MAS1: variants seen among roughly 807,000 people sequenced by gnomAD.
The protein encoded by MAS1 is MAS1 proto-oncogene, G protein-coupled receptor.
For missense variants in MAS1, 387 were observed against 409.7 expected (o/e 0.94, Z 0.48); for synonymous variants, 163 against 164.2 (o/e 0.99, Z 0.05).
chr6:159,897,018 C>A (rs939457440), intron 1 of MAS1, among the ~76,000 whole-genome samples: 3 of 152,090 alleles, frequency 2.0e-5, no homozygotes, highest in Admixed American at 6.6e-5. Context: ...GGACTACAGG[C>A]GTCCGCCACC....
rs759202947 is a variant in MAS1 at position 159,907,757 on chromosome 6, T to G, written c.802T>G (p.Phe268Val). The G allele has an allele frequency of 3.7e-6, 6 of 1,613,708 alleles. No homozygotes were observed. In the African/African-American group the frequency reaches 8.0e-5, roughly 22 times the overall value. ...GAACCTACACCACATTTCCCTGCTC[T>G]TCTCCACAATCAACAGTAGCGCCAA... ...FGNLHHISLL[F>V]STINSSANPF... is the part of the protein sequence containing the mutation. The change falls in exon 3 of 3, where the codon TTC becomes GTC. Residue 268 changes from phenylalanine to valine, a missense_variant. By Grantham distance (50) the Phe-to-Val change is conservative. Transcript: ENST00000674077.
At position 159,907,609 on chromosome 6, in the gene MAS1, G is replaced by A. The variant is rs758145350; in HGVS notation, c.654G>A (p.Thr218=). 11 of 1,613,560 alleles carry A rather than the reference G, an allele frequency of 6.8e-6. No homozygotes were observed. Among genetic ancestry groups the A allele is most frequent in the Admixed American group, 3.3e-5 (2 of 59,922 alleles). The change falls in exon 3 of 3, where the codon ACG becomes ACA. Residue 218 remains threonine, a synonymous_variant. Coordinates refer to ENST00000674077, the MANE Select transcript of MAS1 (RefSeq NM_002377.4). The part of the protein sequence containing the change: ...TILVVKIRKN[T]WASHSSKLYI... ...TGGTCGTGAAGATCCGGAAGAACAC[G>A]TGGGCTTCCCATTCCTCCAAGCTTT...
In MAS1 at chr6:159,903,808, C is replaced by A. The variant is rs1400230592; in HGVS notation, c.-36-3112C>A. On this transcript the variant is annotated intron_variant, in intron 2 of 2. Transcript: ENST00000674077. Reference sequence around the variant, plus strand: ...CTTTCTATCCATGTATAATTCTTATCCATGTATCACTTCTCAACCCCACAG... The same window carrying A: ...CTTTCTATCCATGTATAATTCTTATACATGTATCACTTCTCAACCCCACAG... Among the ~76,000 whole-genome samples, 3 of 152,278 alleles carry A rather than the reference C, an allele frequency of 2.0e-5. No homozygotes were observed. In the East Asian group the frequency reaches 5.8e-4, roughly 29 times the overall value.
chr6:159,890,209 T>C (rs771359136), upstream of MAS1, among the ~76,000 whole-genome samples: 14 of 152,208 alleles, frequency 9.2e-5, no homozygotes, highest in African/African-American at 1.4e-4. Flanking sequence ...TTGGCCATTT[T>C]TGGTTTTTAA....
In MAS1 at chr6:159,910,329, A is replaced by G. The variant is rs1782951298; in HGVS notation, c.*2396A>G. On this transcript the variant is annotated 3_prime_UTR_variant, in exon 3 of 3. Coordinates refer to ENST00000674077, the MANE Select transcript of MAS1 (RefSeq NM_002377.4). ...ATGTCATAGGAGAAAGAGACACCGCATAACTACAACACCAGGCTGCACACA... is the reference window on the plus strand; with the variant it reads ...ATGTCATAGGAGAAAGAGACACCGCGTAACTACAACACCAGGCTGCACACA... 6.6e-6 allele frequency: 1 copy of G among 152,254 alleles called. No homozygotes were observed. The highest frequency in any genetic ancestry group is 6.5e-5 in the Admixed American group (1 of 15,290). The allele number at this position is 152,254 out of a possible 1,614,324, so 9.4% of individuals were successfully genotyped here.
rs866824986 is a variant in MAS1 at position 159,898,522 on chromosome 6, T to C, written c.-243-664T>C. ...TCCTCCTCCTCCTCCTCCTCCTCCT[T>C]CTTCCTCCTCCTCCCTCCTCCTCCC... On this transcript the variant is annotated intron_variant, in intron 1 of 2. Coordinates refer to ENST00000674077, the MANE Select transcript of MAS1 (RefSeq NM_002377.4). Among the ~76,000 whole-genome samples, 523 of 109,960 alleles carry C rather than the reference T, an allele frequency of 4.8e-3. 1 individual carries two copies. The highest frequency in any genetic ancestry group is 7.3e-3 in the Non-Finnish European group (385 of 52,534). The allele number at this position is 109,960 out of a possible 152,430, so 72.1% of individuals were successfully genotyped here.
intron 2 of MAS1, among the ~76,000 whole-genome samples, chr6:159,899,939 G>T: frequency 6.6e-6 from 1 of 152,010 alleles, no homozygotes; most frequent in East Asian, 1.9e-4. Context: ...TCATCTACTC[G>T]GGAGGCTGAG....
At chr6:159,893,555 A>G (rs904526745) in intron 1 of MAS1, among the ~76,000 whole-genome samples, 1 of 152,222 alleles carries the variant, frequency 6.6e-6, no homozygotes, top group East Asian at 1.9e-4. Context: ...CAGGTTTCTC[A>G]GAGAAGGGAG....
Position 159,916,768 on chromosome 6 carries a change from T to C in MAS1, c.*8835T>C, listed in dbSNP as rs1305290521. Among the ~76,000 whole-genome samples, 5 of 152,230 alleles carry C rather than the reference T, an allele frequency of 3.3e-5. No homozygotes were observed. Among genetic ancestry groups the C allele is most frequent in the Non-Finnish European group, 1.5e-5 (1 of 68,046 alleles). On this transcript the variant is annotated 3_prime_UTR_variant, in exon 3 of 3. Coordinates refer to ENST00000674077, the MANE Select transcript of MAS1 (RefSeq NM_002377.4). Reference sequence around the variant, plus strand: ...CAGACTCCCCTGATTCCAATGAAGCTGCTGTTGAGGGCCGGATAGCAGCCA... The same window carrying C: ...CAGACTCCCCTGATTCCAATGAAGCCGCTGTTGAGGGCCGGATAGCAGCCA...
At chr6:159,906,535 G>A (rs1340480119) in intron 2 of MAS1, among the ~76,000 whole-genome samples, 6 of 152,214 alleles carry the variant, frequency 3.9e-5, no homozygotes, top group Non-Finnish European at 8.8e-5. Flanking sequence ...TGGAGGCACA[G>A]AAGATGAAAT....
chr6:159,897,673 G>T lies in MAS1; in HGVS notation c.-243-1513G>T, dbSNP rs535553491. Reference sequence around the variant, plus strand: ...ATGAACAGGGGCAGCTTAGAGTTTAGAAGCAAGATGGAATCAGTTAGGTGA... The same window carrying T: ...ATGAACAGGGGCAGCTTAGAGTTTATAAGCAAGATGGAATCAGTTAGGTGA... On this transcript the variant is annotated intron_variant, in intron 1 of 2. Transcript: ENST00000674077. 1.5e-4 allele frequency among the ~76,000 whole-genome samples: 23 copies of T among 152,322 alleles called. No individual in the cohort carries two copies. The South Asian group carries it at 4.6e-3, about 30-fold the overall frequency.
intron 2 of MAS1, among the ~76,000 whole-genome samples, chr6:159,904,015 A>G (rs1165531039): frequency 2.0e-5 from 3 of 152,178 alleles, no homozygotes; most frequent in Non-Finnish European, 2.9e-5. Context: ...AACTTGCAGT[A>G]GAATTTAGCC....
At chr6:159,905,083 C>T (rs551952347) in intron 2 of MAS1, among the ~76,000 whole-genome samples, 5 of 152,340 alleles carry the variant, frequency 3.3e-5, no homozygotes, top group South Asian at 4.1e-4. Context: ...GAACTGTTCA[C>T]GCACTGACAT....
chr6:159,905,765 G>A (rs963101991), intron 2 of MAS1, among the ~76,000 whole-genome samples: 5 of 152,156 alleles, frequency 3.3e-5, no homozygotes, highest in African/African-American at 1.2e-4. Flanking sequence ...TTGATTGGCC[G>A]GCACGGTGGC....
intron 2 of MAS1, among the ~76,000 whole-genome samples, chr6:159,903,227 C>T (rs924000163): frequency 6.6e-6 from 1 of 152,112 alleles, no homozygotes; most frequent in African/African-American, 2.4e-5. Flanking sequence ...TCTCCTAACC[C>T]CACTGGGCTC....
rs187231524 is a variant in MAS1 at position 159,907,633 on chromosome 6, T to G, written c.678T>G (p.Leu226=). 9.9e-6 allele frequency: 16 copies of G among 1,613,834 alleles called. No individual in the cohort carries two copies. In the Admixed American group the frequency reaches 1.2e-4, roughly 12 times the overall value. The change falls in exon 3 of 3, where the codon CTT becomes CTG. Residue 226 remains leucine, a synonymous_variant. Transcript: ENST00000674077. ...KNTWASHSSK[L]YIVIMVTIII... ...CGTGGGCTTCCCATTCCTCCAAGCT[T>G]TACATAGTCATCATGGTCACCATCA...
intron 1 of MAS1, among the ~76,000 whole-genome samples, chr6:159,896,935 T>G (rs1782759654): frequency 1.3e-5 from 2 of 152,064 alleles, no homozygotes; most frequent in Admixed American, 6.6e-5. Context: ...GTGCAGTGGC[T>G]CGTTCTTGGC....
Position 159,911,477 on chromosome 6 carries a change from G to A in MAS1, c.*3544G>A, listed in dbSNP as rs1245526368. ...AGCCTCCCAAGTAGCTGGGATTACA[G>A]GAGTGAGCCACTGCGCCGGGCCTGC... On this transcript the variant is annotated 3_prime_UTR_variant, in exon 3 of 3. Transcript: ENST00000674077. The A allele has an allele frequency of 1.3e-5, 2 of 152,890 alleles. No homozygotes were observed. The highest frequency in any genetic ancestry group is 1.9e-4 in the East Asian group (1 of 5,220). 9.5% of individuals were successfully genotyped at this position (152,890 alleles called of 1,614,324 possible).
chr6:159,898,206 T>TA (rs1782775865), intron 1 of MAS1, among the ~76,000 whole-genome samples: 1 of 151,980 alleles, frequency 6.6e-6, no homozygotes, highest in African/African-American at 2.4e-5. Flanking sequence ...CACGTCTTAA[T>TA]AAAAAATATT....
Sources: allele counts gnomAD v4.1 joint callset (sites outside exome capture counted in the v4.1 genomes callset), GRCh38; gene constraint gnomAD v4.1.1; transcripts MANE v1.5; gene names NCBI Gene and HGNC (gene_info 2026-07-23, HGNC 2026-07-21).